FOXO3B: variants seen among roughly 807,000 people sequenced by gnomAD.
FOXO3B encodes the protein forkhead box protein O3B.
Under a neutral mutation model 21.9 loss-of-function variants are expected in FOXO3B, and 15 were observed. That is an observed-to-expected ratio of 0.68 (90% CI 0.46 to 1.05). FOXO3B has a LOEUF of 1.05. Ranked by LOEUF, FOXO3B falls within the 50% of genes least tolerant of loss-of-function variation. The pLI is 0.00. For synonymous variants in FOXO3B, 135 were observed against 213.6 expected (o/e 0.63, Z 3.21); for missense variants, 293 against 435.5 (o/e 0.67, Z 2.91).
At position 18,680,114 on chromosome 17, in the gene FOXO3B, C is replaced by T. The variant is rs554081773; in HGVS notation, c.126+627G>A. Among the ~76,000 whole-genome samples the T allele has an allele frequency of 1.7e-3, 254 of 152,302 alleles. 2 individuals carry two copies. The highest frequency in any genetic ancestry group is 5.7e-3 in the African/African-American group (239 of 41,574). ...TTGGCCTCCCAAAGTGCTGGAATTA[C>T]GGGCATGAGCCACCACGCCCAGCCA... On this transcript the variant is annotated intron_variant, in intron 3 of 3. Transcript: ENST00000395675.
Position 18,673,063 on chromosome 17 carries a change from A to T in FOXO3B, c.127-8T>A. ...CGCCGCCGCCGCCGCCGCCTGGGGA[A>T]GCACGAGAGAAGAGAGAAGGAGAGT... On this transcript the variant is annotated splice_region_variant and splice_polypyrimidine_tract_variant and intron_variant, in intron 3 of 3. Transcript: ENST00000395675. The T allele has an allele frequency of 8.2e-6, 12 of 1,458,714 alleles. No homozygotes were observed. The highest frequency in any genetic ancestry group is 1.1e-5 in the Non-Finnish European group (12 of 1,109,576). 90.4% of individuals were successfully genotyped at this position (1,458,714 alleles called of 1,614,324 possible).
chr17:18,674,010 T>C (rs2649416), intron 3 of FOXO3B, among the ~76,000 whole-genome samples: 12,459 of 148,668 alleles, frequency 0.084, 1,827 homozygotes, highest in African/African-American at 0.3. Context: ...GAAAAGGATG[T>C]TGTTGGGGAG....
Position 18,671,812 on chromosome 17 carries a change from A to AT in FOXO3B, c.*496dup. ...ATCATTCAGATTCATGGTGCCTGCC[A>AT]TGTCAGTCAGCCGTAGCAGTTCCAC... On this transcript the variant is annotated 3_prime_UTR_variant, in exon 4 of 4. Coordinates refer to ENST00000395675, the MANE Select transcript of FOXO3B (RefSeq NM_001368135.1). The AT allele has an allele frequency of 6.3e-7, 1 of 1,575,624 alleles. No individual in the cohort carries two copies.
Position 18,672,891 on chromosome 17 carries a change from A to G in FOXO3B, c.291T>C (p.Ser97=). 1 of 1,561,124 alleles carries G rather than the reference A, an allele frequency of 6.4e-7. No individual in the cohort carries two copies. The highest frequency in any genetic ancestry group is 8.7e-7 in the Non-Finnish European group (1 of 1,155,602). ...AEAPASPAPL[S]PLEVELDPEF... ...CCGGGTCCAGCTCCACTTCGAGCGG[A>G]GAAAGCGGGGCCGGGGAAGCCGGTG... is the stretch of plus-strand genomic sequence containing the variant. The change falls in exon 4 of 4, where the codon TCT becomes TCC. Residue 97 remains serine (S), a synonymous_variant. Coordinates refer to ENST00000395675, the MANE Select transcript of FOXO3B (RefSeq NM_001368135.1). The surrounding 1 kb of genome is among the most constrained non-coding windows in gnomAD (Gnocchi z 4.2).
chr17:18,673,034 GCGC>G lies in FOXO3B; in HGVS notation c.145_147del (p.Ala49del), dbSNP rs761206346. On this transcript the variant is annotated inframe_deletion, in exon 4 of 4. Coordinates refer to ENST00000395675, the MANE Select transcript of FOXO3B (RefSeq NM_001368135.1). Reference sequence around the variant, plus strand: ...ACGCCGCGAAGGCTCCGGCTCCCGGGCGCCGCCGCCGCCGCCGCCGCCTGGGGA... The same window carrying G: ...ACGCCGCGAAGGCTCCGGCTCCCGGGCGCCGCCGCCGCCGCCGCCTGGGGA... 7.4e-4 allele frequency: 1,061 copies of G among 1,441,472 alleles called. No individual in the cohort carries two copies. Among genetic ancestry groups the G allele is most frequent in the Admixed American group, 3.0e-3 (121 of 40,330 alleles). The allele number at this position is 1,441,472 out of a possible 1,614,324, so 89.3% of individuals were successfully genotyped here.
intron 3 of FOXO3B, chr17:18,677,800 T>C: frequency 7.5e-7 from 1 of 1,338,580 alleles, no homozygotes; most frequent in Non-Finnish European, 1.0e-6. Flanking sequence ...CAACCTCTCC[T>C]GTCCCCTCCC....
Position 18,680,722 on chromosome 17 carries a change from A to G in FOXO3B, c.126+19T>C, listed in dbSNP as rs2151737672. The G allele has an allele frequency of 6.2e-7, 1 of 1,613,642 alleles. No homozygotes were observed. Among genetic ancestry groups the G allele is most frequent in the East Asian group, 2.2e-5 (1 of 44,886 alleles). The stretch of plus-strand genomic sequence containing the variant: ...CTAAGAAACAAGGTGTAATTCCAAT[A>G]ATCAGCAGACTCACTCACCTGGGAT... On this transcript the variant is annotated intron_variant, in intron 3 of 3. Transcript: ENST00000395675.
intron 1 of FOXO3B, 167 bp from the exon 2 acceptor site, chr17:18,682,013 C>A: frequency 1.7e-6 from 1 of 605,208 alleles, no homozygotes; most frequent in Admixed American, 2.8e-5. Context: ...ACCCCGCGAC[C>A]ACCCCGCCCG....
At position 18,671,443 on chromosome 17, in the gene FOXO3B, G is replaced by A; in HGVS notation, c.*866C>T. The A allele has an allele frequency of 3.8e-6, 6 of 1,572,496 alleles. No individual in the cohort carries two copies. Among genetic ancestry groups the A allele is most frequent in the Non-Finnish European group, 5.2e-6 (6 of 1,143,396 alleles). The stretch of plus-strand genomic sequence containing the variant: ...TGGGCAGACACAGCGGTGCTGGCCT[G>A]AGACATCAAGGGGTCCGACTGTGTC... On this transcript the variant is annotated 3_prime_UTR_variant, in exon 4 of 4. Coordinates refer to ENST00000395675, the MANE Select transcript of FOXO3B (RefSeq NM_001368135.1).
rs1231890123 is a variant in FOXO3B at position 18,674,436 on chromosome 17, T to C, written c.127-1381A>G. On this transcript the variant is annotated intron_variant, in intron 3 of 3. Transcript: ENST00000395675. ...GTCAGGAGATCGAGATCATCCTGGC[T>C]AACACGGTGAAACCCCATCTCTACT... is the stretch of plus-strand genomic sequence containing the variant. 9.5e-5 allele frequency among the ~76,000 whole-genome samples: 14 copies of C among 147,630 alleles called. 1 individual carries two copies. The highest frequency in any genetic ancestry group is 3.2e-4 in the African/African-American group (13 of 40,314).
At chr17:18,674,488 T>C (rs963958528) in intron 3 of FOXO3B, among the ~76,000 whole-genome samples, 5 of 150,306 alleles carry the variant, frequency 3.3e-5, no homozygotes, top group Non-Finnish European at 5.9e-5. Flanking sequence ...TAGCCGGGTG[T>C]GGTGGCGGGC....
intron 3 of FOXO3B, chr17:18,677,538 C>G: frequency 6.2e-7 from 1 of 1,610,908 alleles, no homozygotes; most frequent in Admixed American, 1.7e-5. Context: ...TCGGGCCCGT[C>G]TGCTCACAGA....
chr17:18,672,322 C>A lies in FOXO3B; in HGVS notation c.860G>T (p.Ser287Ile). 6.2e-7 allele frequency: 1 copy of A among 1,612,370 alleles called. No individual in the cohort carries two copies. The highest frequency in any genetic ancestry group is 1.3e-5 in the African/African-American group (1 of 74,996). Residue 287 changes from serine (S) to isoleucine (I), a missense_variant, in exon 4 of 4, where the codon AGC becomes ATC. Ser to Ile is a moderately radical substitution (Grantham distance 142). Coordinates refer to ENST00000395675, the MANE Select transcript of FOXO3B (RefSeq NM_001368135.1). The surrounding 1 kb of genome is among the most constrained non-coding windows in gnomAD (Gnocchi z 4.2). The part of the protein sequence containing the change: ...PYFKDKGNSN[S>I]SAG ...GATGGAGTTCTTCTAGCCGGCAGAG[C>A]TGTTGCTGTTGCCCTTATCCTTGAA...
intron 3 of FOXO3B, among the ~76,000 whole-genome samples, chr17:18,680,141 A>G (rs1348416031): frequency 6.6e-6 from 1 of 152,172 alleles, no homozygotes; most frequent in Non-Finnish European, 1.5e-5. Flanking sequence ...GCCCAGCCAA[A>G]CATTCGTAAT....
In FOXO3B at chr17:18,672,728, C is replaced by T; in HGVS notation, c.454G>A (p.Glu152Lys). 5 of 1,532,594 alleles carry T rather than the reference C, an allele frequency of 3.3e-6. No homozygotes were observed. In the South Asian group the frequency reaches 3.6e-5, roughly 11 times the overall value. The allele number at this position is 1,532,594 out of a possible 1,614,324, so 94.9% of individuals were successfully genotyped here. A position where few individuals can be genotyped will look rare whatever the true frequency, so the allele number is the denominator to read the frequency against. The change falls in exon 4 of 4, where the codon GAG becomes AAG. Residue 152 changes from glutamate to lysine, a missense_variant. Glu to Lys is a moderately conservative substitution (Grantham distance 56). Coordinates refer to ENST00000395675, the MANE Select transcript of FOXO3B (RefSeq NM_001368135.1). This position sits in a 1 kb window ranked among gnomAD's most constrained non-coding sequence, Gnocchi z 4.2. Reference protein sequence around the residue: ...IPEEEDDEDDEDGGGRAGSAM... With the variant: ...IPEEEDDEDDKDGGGRAGSAM... ...GAGCCGGCCCGTCCCCCGCCGTCCT[C>T]GTCGTCTTCATCGTCCTCCTCCTCG...
chr17:18,680,884 T>A, intron 2 of FOXO3B, 55 bp from the exon 3 acceptor site: 1 of 1,540,786 alleles, frequency 6.5e-7, no homozygotes, highest in South Asian at 1.2e-5. Context: ...CCACTCAGAT[T>A]TAAAGTCTAA....
intron 3 of FOXO3B, among the ~76,000 whole-genome samples, chr17:18,678,577 CAAG>C (rs1176960379): frequency 6.6e-6 from 1 of 151,410 alleles, no homozygotes; most frequent in African/African-American, 2.4e-5. Context: ...CAAATTCTAA[CAAG>C]AAAAAAAGCT....
At chr17:18,673,723 A>G (rs1384015974) in intron 3 of FOXO3B, among the ~76,000 whole-genome samples, 1 of 151,966 alleles carries the variant, frequency 6.6e-6, no homozygotes, top group African/African-American at 2.4e-5. Context: ...TGTTCCAAGC[A>G]GAGTGATGAC....
rs2032304646 is a variant in FOXO3B at position 18,668,326 on chromosome 17, C to A, written c.*3983G>T. 6.6e-6 allele frequency: 1 copy of A among 152,464 alleles called. No homozygotes were observed. Among genetic ancestry groups the A allele is most frequent in the South Asian group, 2.1e-4 (1 of 4,830 alleles). 9.4% of individuals were successfully genotyped at this position (152,464 alleles called of 1,614,324 possible). A position where few individuals can be genotyped will look rare whatever the true frequency, so the allele number is the denominator to read the frequency against. ...AAACAGAACAAAAAACCAAAGCATTCCCTCTTCATTCTCCTGATCTGTTTT... is the reference window on the plus strand; with the variant it reads ...AAACAGAACAAAAAACCAAAGCATTACCTCTTCATTCTCCTGATCTGTTTT... On this transcript the variant is annotated 3_prime_UTR_variant, in exon 4 of 4. Transcript: ENST00000395675.
Sources: allele counts gnomAD v4.1 joint callset (sites outside exome capture counted in the v4.1 genomes callset), GRCh38; gene constraint gnomAD v4.1.1; non-coding constraint Gnocchi (gnomAD v3.1); transcripts MANE v1.5; gene names NCBI Gene and HGNC (gene_info 2026-07-23, HGNC 2026-07-21).